Variants in CNTNAP2 observed in about 807,000 individuals in gnomAD.
CNTNAP2 encodes the protein contactin-associated protein-like 2.
A neutral mutation model predicts 155.2 loss-of-function variants in CNTNAP2; 98 were observed. The ratio of observed to expected loss-of-function variants is 0.63; its 90% confidence interval spans 0.54 to 0.75. CNTNAP2 has a LOEUF of 0.75. CNTNAP2 is among the 30% of genes least tolerant of loss of function. The pLI is 0.00. For synonymous variants in CNTNAP2, 651 were observed against 631.2 expected (o/e 1.03, Z -0.47); for missense variants, 1,727 against 1,688.1 (o/e 1.02, Z -0.40).
intron 17 of CNTNAP2, among the ~76,000 whole-genome samples, chr7:148,160,945 C>G (rs775911745): frequency 2.0e-5 from 3 of 152,222 alleles, no homozygotes; most frequent in Non-Finnish European, 4.4e-5. Flanking sequence ...TAATTCTTGA[C>G]TTTTGTTTTA....
intron 9 of CNTNAP2, among the ~76,000 whole-genome samples, chr7:147,362,195 C>T (rs543706233): frequency 5.9e-5 from 9 of 152,096 alleles, no homozygotes; most frequent in Non-Finnish European, 1.2e-4. Context: ...TGCAGTGGTG[C>T]GATCACAGCT....
chr7:147,035,129 G>T (rs954995583), intron 3 of CNTNAP2, among the ~76,000 whole-genome samples: 15 of 152,094 alleles, frequency 9.9e-5, no homozygotes, highest in Non-Finnish European at 1.6e-4. Context: ...CTACTATGAG[G>T]CACCCTATGG....
intron 11 of CNTNAP2, among the ~76,000 whole-genome samples, chr7:147,556,040 C>G (rs1799946102): frequency 1.3e-5 from 2 of 152,210 alleles, no homozygotes; most frequent in African/African-American, 4.8e-5. Flanking sequence ...TGCATGTAAG[C>G]AGAGAGCAGA....
intron 21 of CNTNAP2, among the ~76,000 whole-genome samples, chr7:148,290,893 G>A (rs1430602718): frequency 6.6e-6 from 1 of 152,138 alleles, no homozygotes; most frequent in African/African-American, 2.4e-5. Flanking sequence ...TTTTCCAGCA[G>A]CCTTCTAAGA....
chr7:148,173,736 G>T (rs1278168402), intron 18 of CNTNAP2, among the ~76,000 whole-genome samples: 2 of 152,206 alleles, frequency 1.3e-5, no homozygotes, highest in African/African-American at 4.8e-5. Context: ...TGGGCCTGCA[G>T]AACACATTAA....
At chr7:146,795,211 A>T (rs1329856507) in intron 2 of CNTNAP2, among the ~76,000 whole-genome samples, 1 of 152,244 alleles carries the variant, frequency 6.6e-6, no homozygotes, top group Admixed American at 6.5e-5. Flanking sequence ...TATAATTAGT[A>T]AATGTTGAAA....
intron 21 of CNTNAP2, among the ~76,000 whole-genome samples, chr7:148,281,237 C>A (rs1274508346): frequency 6.6e-6 from 1 of 152,166 alleles, no homozygotes; most frequent in Admixed American, 6.5e-5. Flanking sequence ...TAATACATTT[C>A]TTTAAAAAGG....
At chr7:148,189,310 C>T (rs1795166772) in intron 18 of CNTNAP2, among the ~76,000 whole-genome samples, 1 of 152,056 alleles carries the variant, frequency 6.6e-6, no homozygotes, top group African/African-American at 2.4e-5. Context: ...ACAAAGAGGA[C>T]AGGAGAGGAC....
chr7:146,948,784 T>C (rs1797245950), intron 3 of CNTNAP2, among the ~76,000 whole-genome samples: 1 of 152,190 alleles, frequency 6.6e-6, no homozygotes, highest in Non-Finnish European at 1.5e-5. Context: ...CTTGTGGTGG[T>C]GTACATGACA....
chr7:147,157,443 C>T (rs1390746688), intron 8 of CNTNAP2, among the ~76,000 whole-genome samples: 1 of 152,130 alleles, frequency 6.6e-6, no homozygotes, highest in Non-Finnish European at 1.5e-5. Flanking sequence ...AGGCCAGTGC[C>T]TGCCCATAAA....
chr7:146,184,601 G>A (rs563144854), intron 1 of CNTNAP2, among the ~76,000 whole-genome samples: 7 of 152,274 alleles, frequency 4.6e-5, no homozygotes, highest in East Asian at 1.9e-4. Context: ...AATACCATAC[G>A]TAGAAGGATT....
chr7:147,787,446 C>A (rs779651223), intron 13 of CNTNAP2, among the ~76,000 whole-genome samples: 73 of 152,184 alleles, frequency 4.8e-4, no homozygotes, highest in Non-Finnish European at 4.6e-4. Context: ...AATATTAATT[C>A]TGTTTGAAGC....
intron 15 of CNTNAP2, among the ~76,000 whole-genome samples, chr7:148,088,810 C>T (rs1168469395): frequency 6.6e-6 from 1 of 151,830 alleles, no homozygotes; most frequent in Non-Finnish European, 1.5e-5. Flanking sequence ...ACTCATTTTA[C>T]CAGGCCAGCA....
At chr7:148,199,668 A>G (rs1795336509) in intron 18 of CNTNAP2, among the ~76,000 whole-genome samples, 1 of 152,260 alleles carries the variant, frequency 6.6e-6, no homozygotes. Flanking sequence ...AGATTGTGCT[A>G]TAAGCATAAA....
chr7:146,170,417 T>C (rs1798373234), intron 1 of CNTNAP2, among the ~76,000 whole-genome samples: 1 of 152,146 alleles, frequency 6.6e-6, no homozygotes, highest in Non-Finnish European at 1.5e-5. Flanking sequence ...AGGGTTCCCT[T>C]TTCTTCACAT....
Position 147,970,655 on chromosome 7 carries a change from T to C in CNTNAP2, c.2256-7207T>C, listed in dbSNP as rs576348584. ...ATCAAACAAAAGACTCCAAAAAGTTTAGAAGCCATCCTTGAGATGCAGATT... is the reference window on the plus strand; with the variant it reads ...ATCAAACAAAAGACTCCAAAAAGTTCAGAAGCCATCCTTGAGATGCAGATT... On this transcript the variant is annotated intron_variant, in intron 14 of 23. Coordinates refer to ENST00000361727, the MANE Select transcript of CNTNAP2 (RefSeq NM_014141.6). 3.2e-4 allele frequency among the ~76,000 whole-genome samples: 48 copies of C among 152,340 alleles called. No homozygotes were observed. The South Asian group carries it at 5.2e-3, about 16-fold the overall frequency.
chr7:148,069,249 CT>C lies in CNTNAP2; in HGVS notation c.2384-48868del, dbSNP rs1243733602. Among the ~76,000 whole-genome samples the C allele has an allele frequency of 1.1e-3, 167 of 152,258 alleles. 2 individuals are homozygous for C. Among genetic ancestry groups the C allele is most frequent in the Non-Finnish European group, 5.4e-4 (37 of 68,032 alleles). ...TCTTATGATTTTTAACTGTTGTCAG[CT>C]AATTAAAATGTAAAGTTTTATAAGG... On this transcript the variant is annotated intron_variant, in intron 15 of 23. Coordinates refer to ENST00000361727, the MANE Select transcript of CNTNAP2 (RefSeq NM_014141.6).
intron 3 of CNTNAP2, among the ~76,000 whole-genome samples, chr7:146,955,274 G>A (rs560501715): frequency 5.3e-5 from 8 of 151,948 alleles, no homozygotes; most frequent in African/African-American, 1.9e-4. Flanking sequence ...ATCTTCTTTT[G>A]CTAAATATTT....
intron 13 of CNTNAP2, among the ~76,000 whole-genome samples, chr7:147,776,887 C>A (rs767792799): frequency 6.6e-6 from 1 of 150,808 alleles, no homozygotes; most frequent in Non-Finnish European, 1.5e-5. Flanking sequence ...TATCTGTTTT[C>A]TCTTTTTATT....
Sources: allele counts gnomAD v4.1 joint callset (sites outside exome capture counted in the v4.1 genomes callset), GRCh38; gene constraint gnomAD v4.1.1; transcripts MANE v1.5; gene names NCBI Gene and HGNC (gene_info 2026-07-23, HGNC 2026-07-21).